Variants in CYFIP1 observed in about 807,000 individuals in gnomAD.
CYFIP1 encodes cytoplasmic FMR1-interacting protein 1.
Under a neutral mutation model 163.5 loss-of-function variants are expected in CYFIP1, and 58 were observed. The ratio of observed to expected loss-of-function variants is 0.35; its 90% CI spans 0.29 to 0.44. CYFIP1 has a LOEUF of 0.44. Among genes scored for constraint, CYFIP1 ranks in the 20% least tolerant of loss-of-function variants. CYFIP1 has a pLI of 1.00. For synonymous variants in CYFIP1, 663 were observed against 660.7 expected, an observed-to-expected ratio of 1.00 and a Z score of -0.05; for missense variants, 1,338 against 1,653.8, an observed-to-expected ratio of 0.81 and a Z score of 3.31.
chr15:22,918,555 T>C, intron 14 of CYFIP1, 137 bp downstream of exon 14: 1 of 770,848 alleles, frequency 1.3e-6, no homozygotes, highest in Non-Finnish European at 1.9e-6. Context: ...TTAGAGGTAA[T>C]TCACCAAGAG....
Position 22,867,918 on chromosome 15 carries a change from A to G in CYFIP1, c.*2110T>C, listed in dbSNP as rs1409932252. ...AAAGGTAGAATAATAAAAAAGGTCT[A>G]ATGAACTCCATTCAGCTTTGAACCT... is the stretch of plus-strand genomic sequence containing the variant. On this transcript the variant is annotated 3_prime_UTR_variant, in exon 31 of 31. Transcript: ENST00000617928. 1 of 152,234 alleles carries G rather than the reference A, an allele frequency of 6.6e-6. No individual in the cohort carries two copies. The highest frequency in any genetic ancestry group is 6.5e-5 in the Admixed American group (1 of 15,284). 9.4% of individuals were successfully genotyped at this position (152,234 alleles called of 1,614,324 possible). A position where few individuals can be genotyped will look rare whatever the true frequency, so the allele number is the denominator to read the frequency against.
intron 8 of CYFIP1, 141 bp from the exon 9 acceptor site, chr15:22,937,349 T>C: frequency 1.7e-6 from 1 of 603,750 alleles, no homozygotes; most frequent in Non-Finnish European, 3.0e-6. Flanking sequence ...AGGCTGCTTG[T>C]CTGGTGCTTG....
chr15:22,973,249 G>A (rs1031563053), intron 1 of CYFIP1, among the ~76,000 whole-genome samples: 1 of 146,078 alleles, frequency 6.8e-6, no homozygotes, highest in African/African-American at 2.6e-5. Flanking sequence ...AAAAGGGCAA[G>A]GCTGCAGTAA....
At chr15:22,946,636 G>C (rs979477741) in intron 3 of CYFIP1, 6 of 363,412 alleles carry the variant, frequency 1.7e-5, no homozygotes, top group East Asian at 7.0e-5. Flanking sequence ...GCAAGACTCT[G>C]TCTCAAAAAA....
At chr15:22,946,594 TCGCGCCACTGTACTCCAGC>T (rs2062068042) in intron 3 of CYFIP1, 1 of 327,656 alleles carries the variant, frequency 3.1e-6, no homozygotes. Flanking sequence ...TGAACCAAGA[TCGCGCCACTGTACTCCAGC>T]CTGGGTGGCA....
chr15:22,946,438 CGAGACCAGCCCG>C (rs1484219377), intron 3 of CYFIP1, among the ~76,000 whole-genome samples: 3 of 151,976 alleles, frequency 2.0e-5, no homozygotes, highest in Non-Finnish European at 4.4e-5. Flanking sequence ...GTCAGGAATT[CGAGACCAGCCCG>C]ACCAACATGG....
In CYFIP1 at chr15:22,943,138, C is replaced by G. The variant is rs778957087; in HGVS notation, c.569+35G>C. 80 of 1,603,644 alleles carry G rather than the reference C, an allele frequency of 5.0e-5. 2 individuals carry two copies. Among genetic ancestry groups the G allele is most frequent in the Middle Eastern group, 3.5e-4 (2 of 5,740 alleles). ...GGCAGGCCACTGAGCTGGGTGCTCT[C>G]GGGAGGGCCCGCAGTGCGCGAGGTG... is the stretch of plus-strand genomic sequence containing the variant. On this transcript the variant is annotated intron_variant, in intron 6 of 30. Transcript: ENST00000617928.
rs200867346 is a variant in CYFIP1 at position 22,947,139 on chromosome 15, C to T, written c.117+30G>A. On this transcript the variant is annotated intron_variant, in intron 2 of 30. Coordinates refer to ENST00000617928, the MANE Select transcript of CYFIP1 (RefSeq NM_014608.6). The stretch of plus-strand genomic sequence containing the variant: ...ACATCATGTGGGGTCGGAGCACAGG[C>T]TGTACGCCCTGCAGCTGCTGGGCAC... The T allele has an allele frequency of 8.2e-5, 133 of 1,614,128 alleles. 1 individual carries two copies. The Admixed American group carries it at 9.3e-4, about 11-fold the overall frequency.
chr15:22,894,441 C>A (rs1253167659), intron 22 of CYFIP1, among the ~76,000 whole-genome samples: 1 of 151,724 alleles, frequency 6.6e-6, no homozygotes, highest in East Asian at 1.9e-4. Context: ...AGGCATGTGC[C>A]ACCAACGCTT....
At chr15:22,916,032 C>T (rs559681884) in intron 16 of CYFIP1, among the ~76,000 whole-genome samples, 22 of 152,246 alleles carry the variant, frequency 1.4e-4, no homozygotes, top group South Asian at 8.3e-4. Flanking sequence ...GACAGACACA[C>T]GGAGGGCAGA....
intron 13 of CYFIP1, among the ~76,000 whole-genome samples, chr15:22,924,200 G>A (rs763394956): frequency 5.9e-5 from 9 of 152,140 alleles, no homozygotes; most frequent in Non-Finnish European, 1.0e-4. Flanking sequence ...AAGGCAGGCG[G>A]ATTACCTGAG....
chr15:22,897,350 G>C (rs1231706543), intron 22 of CYFIP1, among the ~76,000 whole-genome samples: 2 of 152,152 alleles, frequency 1.3e-5, no homozygotes, highest in East Asian at 1.9e-4. Context: ...AATGTCTTGG[G>C]GGGCAGGCAG....
intron 1 of CYFIP1, chr15:22,951,412 C>A: frequency 7.8e-7 from 1 of 1,289,250 alleles, no homozygotes; most frequent in Non-Finnish European, 1.0e-6. Context: ...AGCCCCAGCG[C>A]TGCCTGCAGA....
At chr15:22,906,678 G>A (rs1255652134) in intron 21 of CYFIP1, among the ~76,000 whole-genome samples, 1 of 151,466 alleles carries the variant, frequency 6.6e-6, no homozygotes, top group Non-Finnish European at 1.5e-5. Flanking sequence ...TGTTAGCCAG[G>A]ATGGTCTCGA....
At chr15:22,906,655 C>T (rs1234445514) in intron 21 of CYFIP1, among the ~76,000 whole-genome samples, 4 of 151,582 alleles carry the variant, frequency 2.6e-5, no homozygotes, top group African/African-American at 4.9e-5. Context: ...TTAGTAGAGA[C>T]GGGGTTTCAC....
intron 26 of CYFIP1, among the ~76,000 whole-genome samples, chr15:22,876,230 A>G (rs1295092385): frequency 6.6e-6 from 1 of 152,048 alleles, no homozygotes; most frequent in Non-Finnish European, 1.5e-5. Context: ...CCCAGAGATG[A>G]TGGCAAAACT....
chr15:22,910,945 T>C (rs2060768100), intron 18 of CYFIP1, 132 bp from the exon 19 acceptor site: 5 of 783,290 alleles, frequency 6.4e-6, no homozygotes, highest in Non-Finnish European at 1.1e-5. Flanking sequence ...AGTCTTGCTC[T>C]GTTGCCCAGG....
chr15:22,933,027 T>C (rs960884271), intron 10 of CYFIP1, among the ~76,000 whole-genome samples: 1 of 151,934 alleles, frequency 6.6e-6, no homozygotes, highest in Admixed American at 6.6e-5. Context: ...ACAGTCAAGG[T>C]CTCACTGTGT....
At chr15:22,880,731 G>A (rs1460810169) in intron 25 of CYFIP1, among the ~76,000 whole-genome samples, 2 of 152,166 alleles carry the variant, frequency 1.3e-5, no homozygotes, top group South Asian at 2.1e-4. Flanking sequence ...TTAAACCCTT[G>A]TCCCAGCAGG....
Sources: allele counts gnomAD v4.1 joint callset (sites outside exome capture counted in the v4.1 genomes callset), GRCh38; gene constraint gnomAD v4.1.1; transcripts MANE v1.5; gene names NCBI Gene and HGNC (gene_info 2026-07-23, HGNC 2026-07-21).